The following LIMD1 variants were observed in gnomAD, a reference collection of about 807,000 sequenced individuals.
The protein encoded by LIMD1 is LIM domain containing 1, also known as LIM domain-containing protein 1.
Under a neutral mutation model 58.4 loss-of-function variants are expected in LIMD1, and 23 were observed. The ratio of observed to expected loss-of-function variants is 0.39; its 90% CI spans 0.28 to 0.56. The LOEUF is 0.56. Among genes scored for constraint, LIMD1 ranks in the 20% least tolerant of loss-of-function variants. LIMD1 has a pLI of 0.57. For synonymous variants in LIMD1, 334 were observed against 345.5 expected, an observed-to-expected ratio of 0.97 and a Z score of 0.37; for missense variants, 838 against 855.5, an observed-to-expected ratio of 0.98 and a Z score of 0.25.
chr3:45,669,824 G>A (rs1697566385), intron 4 of LIMD1, among the ~76,000 whole-genome samples: 1 of 152,102 alleles, frequency 6.6e-6, no homozygotes, highest in South Asian at 2.1e-4. Context: ...ATGTTGATGG[G>A]GATTTGGTGG....
chr3:45,608,856 A>G (rs993126085), intron 1 of LIMD1, among the ~76,000 whole-genome samples: 7 of 151,588 alleles, frequency 4.6e-5, no homozygotes, highest in African/African-American at 1.2e-4. Flanking sequence ...AAAAAAAAAA[A>G]AAGAAGGAGA....
chr3:45,615,120 G>A (rs531629810), intron 1 of LIMD1, among the ~76,000 whole-genome samples: 67 of 152,102 alleles, frequency 4.4e-4, no homozygotes, highest in Non-Finnish European at 8.2e-4. Context: ...ATGTGACACG[G>A]GAGCCCTCAT....
intron 1 of LIMD1, chr3:45,632,355 C>A: frequency 5.2e-6 from 1 of 191,250 alleles, no homozygotes; most frequent in Non-Finnish European, 9.6e-6. Context: ...CCCCCATTGT[C>A]ACATTTGAAT....
intron 1 of LIMD1, among the ~76,000 whole-genome samples, chr3:45,599,513 T>C (rs373231700): frequency 6.6e-6 from 1 of 152,146 alleles, no homozygotes; most frequent in East Asian, 1.9e-4. Flanking sequence ...TCTAGTCAAG[T>C]GTTCTGGGTG....
intron 1 of LIMD1, chr3:45,632,489 G>A: frequency 1.0e-6 from 1 of 985,046 alleles, no homozygotes; most frequent in Non-Finnish European, 1.2e-6. Flanking sequence ...TAAGACCCTG[G>A]GCCTTGGAAT....
Position 45,643,041 on chromosome 3 carries a change from G to A in LIMD1, c.1510+6790G>A, listed in dbSNP as rs548593366. Among the ~76,000 whole-genome samples the A allele has an allele frequency of 3.3e-5, 5 of 152,330 alleles. No individual in the cohort carries two copies. In the East Asian group the frequency reaches 7.7e-4, roughly 24 times the overall value. On this transcript the variant is annotated intron_variant, in intron 2 of 7. Coordinates refer to ENST00000273317, the MANE Select transcript of LIMD1 (RefSeq NM_014240.3). ...GGAGGGAGGTCTGTGGAGAGGACAG[G>A]AGTGGCCTTTGTTGACAGCTGTGTC...
At chr3:45,606,530 C>G (rs1044052879) in intron 1 of LIMD1, among the ~76,000 whole-genome samples, 10 of 152,244 alleles carry the variant, frequency 6.6e-5, no homozygotes, top group Non-Finnish European at 2.9e-5. Context: ...GAGCCTGTGC[C>G]TGCACAAGTG....
chr3:45,657,385 A>G (rs1227817884), intron 2 of LIMD1, among the ~76,000 whole-genome samples: 2 of 152,064 alleles, frequency 1.3e-5, no homozygotes, highest in African/African-American at 2.4e-5. Flanking sequence ...TTCCGGCCAG[A>G]TATGGTAACT....
At chr3:45,650,493 C>A (rs1160343796) in intron 2 of LIMD1, among the ~76,000 whole-genome samples, 4 of 144,938 alleles carry the variant, frequency 2.8e-5, no homozygotes, top group Admixed American at 7.0e-5. Context: ...CCCAGCCCCC[C>A]ACCCCCCCCA....
chr3:45,622,957 C>T (rs1241788408), intron 1 of LIMD1, among the ~76,000 whole-genome samples: 1 of 152,122 alleles, frequency 6.6e-6, no homozygotes, highest in Non-Finnish European at 1.5e-5. Flanking sequence ...CGTGAGCCAC[C>T]GCACCTGGCC....
chr3:45,599,020 T>C (rs986135680), intron 1 of LIMD1, among the ~76,000 whole-genome samples: 3 of 152,182 alleles, frequency 2.0e-5, no homozygotes, highest in African/African-American at 7.2e-5. Context: ...ACAGGTCATA[T>C]TGGGTACTGC....
intron 2 of LIMD1, among the ~76,000 whole-genome samples, chr3:45,662,962 C>A (rs939686207): frequency 3.3e-5 from 5 of 150,766 alleles, no homozygotes; most frequent in African/African-American, 9.8e-5. Context: ...CCAGCCTGGG[C>A]GACACAGCGA....
chr3:45,656,415 C>T (rs1377107716), intron 2 of LIMD1, among the ~76,000 whole-genome samples: 1 of 149,146 alleles, frequency 6.7e-6, no homozygotes, highest in African/African-American at 2.5e-5. Flanking sequence ...CTTTTAGCTA[C>T]ATAGGTGAAT....
chr3:45,677,825 G>GA lies in LIMD1; in HGVS notation c.*767dup, dbSNP rs1161976214. The GA allele has an allele frequency of 6.6e-6, 1 of 152,128 alleles. No homozygotes were observed. Among genetic ancestry groups the GA allele is most frequent in the Non-Finnish European group, 1.5e-5 (1 of 68,018 alleles). 9.4% of individuals were successfully genotyped at this position (152,128 alleles called of 1,614,324 possible). A position where few individuals can be genotyped will look rare whatever the true frequency, so the allele number is the denominator to read the frequency against. Reference sequence around the variant, plus strand: ...GAGAAGAACTTGGTGCAGGCACCAGGATTTTTTTTTTTGCCCACGTGTTTG... The same window carrying GA: ...GAGAAGAACTTGGTGCAGGCACCAGGAATTTTTTTTTTTGCCCACGTGTTTG... On this transcript the variant is annotated 3_prime_UTR_variant, in exon 8 of 8. Transcript: ENST00000273317.
At chr3:45,622,943 C>T (rs1701640350) in intron 1 of LIMD1, among the ~76,000 whole-genome samples, 1 of 152,168 alleles carries the variant, frequency 6.6e-6, no homozygotes, top group African/African-American at 2.4e-5. Flanking sequence ...GCTGTGATTA[C>T]AGGCGTGAGC....
chr3:45,658,782 C>T (rs190510128), intron 2 of LIMD1, among the ~76,000 whole-genome samples: 22 of 151,600 alleles, frequency 1.5e-4, no homozygotes, highest in African/African-American at 3.1e-4. Flanking sequence ...CTTGAACTCC[C>T]GACTTCAGGC....
intron 1 of LIMD1, among the ~76,000 whole-genome samples, chr3:45,608,427 C>T (rs773060613): frequency 6.6e-6 from 1 of 152,166 alleles, no homozygotes; most frequent in Middle Eastern, 3.2e-3. Flanking sequence ...GAAGCTTTCC[C>T]TCATTTGCTT....
intron 2 of LIMD1, among the ~76,000 whole-genome samples, chr3:45,642,813 C>T (rs192249968): frequency 3.0e-4 from 45 of 152,270 alleles, no homozygotes; most frequent in Admixed American, 5.2e-4. Flanking sequence ...CAGTAAGCAT[C>T]AGGTTGTGGT....
At chr3:45,676,863 A>T (rs994495638) in intron 7 of LIMD1, 59 bp from the exon 8 acceptor site, 16 of 1,560,854 alleles carry the variant, frequency 1.0e-5, no homozygotes, top group Non-Finnish European at 1.4e-5. Flanking sequence ...TGTGGCCTTC[A>T]GGTCAGTCTT....
Sources: gnomAD v4.1 joint callset for allele counts (sites outside exome capture counted in the v4.1 genomes callset) on GRCh38, gnomAD v4.1.1 for gene constraint, MANE v1.5 for transcripts, NCBI Gene and HGNC (gene_info 2026-07-23, HGNC 2026-07-21) for gene names.